TFAP2A: variants seen among roughly 807,000 people sequenced by gnomAD.
TFAP2A encodes the protein transcription factor AP-2-alpha.
A neutral mutation model predicts 41.5 loss-of-function variants in TFAP2A; 7 were observed. The observed-to-expected ratio is 0.17, with a 90% confidence interval of 0.10 to 0.32. The LOEUF (loss-of-function observed/expected upper bound fraction) is 0.32, where lower values mean the gene tolerates loss of function less well. TFAP2A is among the 10% of genes least tolerant of loss of function. TFAP2A has a pLI of 1.00. For synonymous variants in TFAP2A, 247 were observed against 242.8 expected (o/e 1.02, Z -0.16); for missense variants, 416 against 563.3 (o/e 0.74, Z 2.65).
chr6:10,415,312 C>T (rs868645984), upstream of TFAP2A: 1 of 1,342,684 alleles, frequency 7.4e-7, no homozygotes, highest in Non-Finnish European at 9.7e-7. Flanking sequence ...CTAATCGCCT[C>T]ATTAGCATAT....
intron 4 of TFAP2A, among the ~76,000 whole-genome samples, 189 bp from the exon 5 acceptor site, chr6:10,402,799 T>C (rs930068060): frequency 6.6e-6 from 1 of 152,218 alleles, no homozygotes; most frequent in Non-Finnish European, 1.5e-5. Context: ...TGTTAAACTG[T>C]AAAGCACCCC....
At chr6:10,411,930 G>C in intron 1 of TFAP2A, 4 of 1,186,960 alleles carry the variant, frequency 3.4e-6, no homozygotes, top group Non-Finnish European at 4.2e-6. Flanking sequence ...GTGCGTGCGT[G>C]TTCCTTAATC....
At chr6:10,413,886 A>G (rs528191858) in intron 1 of TFAP2A, among the ~76,000 whole-genome samples, 1 of 152,024 alleles carries the variant, frequency 6.6e-6, no homozygotes, top group Admixed American at 6.5e-5. Flanking sequence ...AAAAACAGCA[A>G]AAGTTGGGAC....
chr6:10,412,286 T>A (rs943630587), intron 1 of TFAP2A: 2 of 984,990 alleles, frequency 2.0e-6, no homozygotes, highest in African/African-American at 3.6e-5. Flanking sequence ...TTTTAAAAGG[T>A]TGCAGGGCAT....
intron 4 of TFAP2A, among the ~76,000 whole-genome samples, chr6:10,403,392 G>A (rs75567267): frequency 2.8e-3 from 430 of 152,308 alleles, no homozygotes; most frequent in African/African-American, 9.6e-3. Context: ...CAGAGGGCAA[G>A]GAAAAGATCT....
chr6:10,414,933 G>A lies in TFAP2A; in HGVS notation c.51+8C>T, dbSNP rs199883139. 1.9e-4 allele frequency: 301 copies of A among 1,614,014 alleles called. No individual in the cohort carries two copies. In the African/African-American group the frequency reaches 3.7e-3, roughly 20 times the overall value. On this transcript the variant is annotated splice_region_variant and intron_variant, in intron 1 of 6. Coordinates refer to ENST00000379613, the MANE Select transcript of TFAP2A (RefSeq NM_001372066.1). The stretch of plus-strand genomic sequence containing the variant: ...CCGCACGGATGATCGAGCCGGCGTC[G>A]CGCTTACCTCGCAGTCCTCGTACTT...
upstream of TFAP2A, chr6:10,418,353 T>C (rs772451208): frequency 2.0e-5 from 3 of 152,222 alleles, no homozygotes; most frequent in Non-Finnish European, 4.4e-5. Context: ...GAGAAAGAAC[T>C]CGACCAGGAG....
At chr6:10,409,746 A>T in intron 2 of TFAP2A, 155 bp downstream of exon 2, 1 of 934,946 alleles carries the variant, frequency 1.1e-6, no homozygotes, top group Non-Finnish European at 1.6e-6. Context: ...GTGGTTCCTC[A>T]AAACGTCCCT....
chr6:10,414,887 G>T (rs913927366), intron 1 of TFAP2A, 54 bp downstream of exon 1: 4 of 1,611,528 alleles, frequency 2.5e-6, no homozygotes, highest in Middle Eastern at 1.6e-4. Flanking sequence ...GGAGAGGGAG[G>T]GTCAAGCTCG....
chr6:10,405,063 G>A (rs1225930730), intron 3 of TFAP2A: 4 of 408,464 alleles, frequency 9.8e-6, no homozygotes, highest in South Asian at 6.2e-5. Flanking sequence ...GAGGCGCTGA[G>A]CATCCGAGCG....
upstream of TFAP2A, chr6:10,415,359 G>A: frequency 9.5e-7 from 1 of 1,050,246 alleles, no homozygotes; most frequent in Non-Finnish European, 1.2e-6. Context: ...ACCACAATCT[G>A]CCGCCGGCCG....
chr6:10,411,468 A>G (rs1271534387), intron 1 of TFAP2A: 9 of 1,606,580 alleles, frequency 5.6e-6, no homozygotes, highest in Non-Finnish European at 7.7e-6. Context: ...GTCCTGAAGG[A>G]AAGCTGGGCG....
intron 6 of TFAP2A, among the ~76,000 whole-genome samples, chr6:10,399,543 T>C (rs1210563731): frequency 6.6e-6 from 1 of 152,166 alleles, no homozygotes; most frequent in African/African-American, 2.4e-5. Context: ...AGCTGGGGCC[T>C]TCCAGGGGCA....
chr6:10,410,641 T>C (rs1757922420), intron 1 of TFAP2A, among the ~76,000 whole-genome samples: 1 of 152,190 alleles, frequency 6.6e-6, no homozygotes, highest in Non-Finnish European at 1.5e-5. Flanking sequence ...AAATCTCTCT[T>C]AAGCAAAATT....
chr6:10,410,390 A>G (rs896176065), intron 1 of TFAP2A, 55 bp from the exon 2 acceptor site: 1 of 1,520,844 alleles, frequency 6.6e-7, no homozygotes, highest in Non-Finnish European at 8.9e-7. Flanking sequence ...TCGAGCTACA[A>G]CTATCCACAC....
chr6:10,404,724 G>T lies in TFAP2A; in HGVS notation c.554C>A (p.Ser185Tyr), dbSNP rs146735451. The T allele has an allele frequency of 6.2e-7, 1 of 1,614,062 alleles. No homozygotes were observed. The highest frequency in any genetic ancestry group is 1.3e-5 in the African/African-American group (1 of 74,944). The part of the protein sequence containing the change: ...TVIKKGPVSL[S>Y]KSNSNAVSAI... ...GGAGACGGCATTGCTGTTGGACTTG[G>T]ACAGGGACACGGGGCCTGCGGAGAC... Residue 185 changes from serine (S) to tyrosine (Y), a missense_variant, in exon 4 of 7, where the codon TCC becomes TAC. Physicochemically the swap from Ser to Tyr is moderately radical, Grantham distance 144. This residue lies in a region of TFAP2A where 241 missense variants were observed against 274.1 expected (regional missense o/e 0.88). Transcript: ENST00000379613.
Position 10,398,437 on chromosome 6 carries a change from C to G in TFAP2A, c.1300G>C (p.Glu434Gln). 2 of 1,614,182 alleles carry G rather than the reference C, an allele frequency of 1.2e-6. No individual in the cohort carries two copies. Among genetic ancestry groups the G allele is most frequent in the Non-Finnish European group, 8.5e-7 (1 of 1,180,032 alleles). ...TDNNAKSSDK[E>Q]EKHRK is the part of the protein sequence containing the mutation. ...GAGCCTCACTTTCTGTGCTTCTCCT[C>G]TTTGTCACTGCTTTTGGCGTTGTTG... Residue 434 changes from glutamate to glutamine, a missense_variant, in exon 7 of 7, where the codon GAG (glutamate) becomes CAG (glutamine). Coordinates refer to ENST00000379613, the MANE Select transcript of TFAP2A (RefSeq NM_001372066.1). The surrounding 1 kb of genome is among the most constrained non-coding windows in gnomAD (Gnocchi z 5.3).
upstream of TFAP2A, among the ~76,000 whole-genome samples, chr6:10,417,411 G>C (rs1206743514): frequency 1.3e-5 from 2 of 152,228 alleles, no homozygotes; most frequent in African/African-American, 4.8e-5. Flanking sequence ...TGTAGGCGCT[G>C]ATGAAAGGCC....
intron 6 of TFAP2A, 58 bp downstream of exon 6, chr6:10,400,390 T>C: frequency 6.2e-7 from 1 of 1,612,790 alleles, no homozygotes; most frequent in South Asian, 1.1e-5. Flanking sequence ...AAAACGATTT[T>C]TGTTTCTCTT....
Sources: allele counts gnomAD v4.1 joint callset (sites outside exome capture counted in the v4.1 genomes callset), GRCh38; gene constraint gnomAD v4.1.1; regional missense constraint gnomAD v4.1.1; non-coding constraint Gnocchi (gnomAD v3.1); transcripts MANE v1.5; gene names NCBI Gene and HGNC (gene_info 2026-07-23, HGNC 2026-07-21).